The following ZFPM2 variants were observed in gnomAD, a reference collection of about 807,000 sequenced individuals.
ZFPM2 encodes the protein zinc finger protein ZFPM2.
A neutral mutation model predicts 98.6 loss-of-function variants in ZFPM2; 20 were observed. That is an observed-to-expected ratio of 0.20 (90% CI 0.14 to 0.29). The LOEUF is 0.29. Among genes scored for constraint, ZFPM2 ranks in the 10% least tolerant of loss-of-function variants. ZFPM2 has a pLI of 1.00. For synonymous variants in ZFPM2, 518 were observed against 502.7 expected (o/e 1.03, Z -0.41); for missense variants, 1,310 against 1,388.6 (o/e 0.94, Z 0.90).
At chr8:105,608,292 C>T (rs1332015597) in intron 4 of ZFPM2, among the ~76,000 whole-genome samples, 1 of 151,970 alleles carries the variant, frequency 6.6e-6, no homozygotes, top group African/African-American at 2.4e-5. Context: ...AACAAACCTG[C>T]ACAACGTACC....
chr8:105,788,863 A>G lies in ZFPM2; in HGVS notation c.678A>G (p.Ser226=). 1.9e-6 allele frequency: 3 copies of G among 1,613,824 alleles called. No homozygotes were observed. The highest frequency in any genetic ancestry group is 2.5e-6 in the Non-Finnish European group (3 of 1,179,850). Residue 226 remains serine, a synonymous_variant, in exon 6 of 8, where the codon TCA becomes TCG. Coordinates refer to ENST00000407775, the MANE Select transcript of ZFPM2 (RefSeq NM_012082.4). ...EGMYPARLLD[S]IQLLPQQAAM... The stretch of plus-strand genomic sequence containing the variant: ...TGTACCCTGCACGCCTGCTGGACTC[A>G]ATTCAGCTGCTTCCTCAGCAAGCTG...
intron 1 of ZFPM2, among the ~76,000 whole-genome samples, chr8:105,413,081 C>T (rs1169294768): frequency 1.3e-5 from 2 of 151,754 alleles, no homozygotes; most frequent in Non-Finnish European, 2.9e-5. Flanking sequence ...TTCCCCAATA[C>T]TAATTGAACA....
chr8:105,752,924 T>C (rs984507276), intron 5 of ZFPM2, among the ~76,000 whole-genome samples: 10 of 152,160 alleles, frequency 6.6e-5, no homozygotes, highest in African/African-American at 2.4e-4. Context: ...AGTAGAATTT[T>C]CTTATAATTG....
At chr8:105,509,229 G>T (rs1057288499) in intron 3 of ZFPM2, among the ~76,000 whole-genome samples, 2 of 152,198 alleles carry the variant, frequency 1.3e-5, no homozygotes, top group African/African-American at 4.8e-5. Flanking sequence ...CATTCTAAGT[G>T]AGTCTGAGAA....
At chr8:105,426,145 G>A (rs1465093846) in intron 2 of ZFPM2, among the ~76,000 whole-genome samples, 2 of 152,086 alleles carry the variant, frequency 1.3e-5, no homozygotes, top group African/African-American at 4.8e-5. Context: ...GTTCAATAAG[G>A]AAGGGGACCT....
At chr8:105,517,508 A>G (rs868670194) in intron 3 of ZFPM2, among the ~76,000 whole-genome samples, 28 of 152,250 alleles carry the variant, frequency 1.8e-4, no homozygotes, top group African/African-American at 5.8e-4. Context: ...TAATATATCT[A>G]TCACCTCACA....
intron 3 of ZFPM2, among the ~76,000 whole-genome samples, chr8:105,480,628 A>G (rs1030528240): frequency 5.9e-5 from 9 of 152,236 alleles, no homozygotes; most frequent in Non-Finnish European, 8.8e-5. Context: ...AATTAATTCA[A>G]GAAAAAAAGG....
At chr8:105,468,795 T>A (rs1257901817) in intron 3 of ZFPM2, among the ~76,000 whole-genome samples, 1 of 152,108 alleles carries the variant, frequency 6.6e-6, no homozygotes, top group Non-Finnish European at 1.5e-5. Context: ...TCATACTCCT[T>A]TTTGTTGGCA....
intron 5 of ZFPM2, among the ~76,000 whole-genome samples, chr8:105,665,362 A>T (rs1186831080): frequency 6.6e-6 from 1 of 152,092 alleles, no homozygotes; most frequent in Non-Finnish European, 1.5e-5. Flanking sequence ...GTTAATGCAA[A>T]ATTTATTTAG....
At chr8:105,486,149 C>T (rs1813226955) in intron 3 of ZFPM2, among the ~76,000 whole-genome samples, 2 of 151,920 alleles carry the variant, frequency 1.3e-5, no homozygotes, top group South Asian at 2.1e-4. Flanking sequence ...AGTGAGAAGG[C>T]GATAATCTCC....
intron 1 of ZFPM2, among the ~76,000 whole-genome samples, chr8:105,417,105 C>T (rs1811693597): frequency 6.6e-6 from 1 of 151,556 alleles, no homozygotes; most frequent in African/African-American, 2.4e-5. Flanking sequence ...GCTGTGATTG[C>T]ACCTCTGCAT....
At position 105,523,569 on chromosome 8, in the gene ZFPM2, A is replaced by C. The variant is rs111824521; in HGVS notation, c.302-37794A>C. Among the ~76,000 whole-genome samples, 1,450 of 152,304 alleles carry C rather than the reference A, an allele frequency of 9.5e-3. 22 individuals carry two copies. The highest frequency in any genetic ancestry group is 0.032 in the African/African-American group (1,329 of 41,554). ...CTTTTTAGACATCAAGAATCACAGCATCCTGAGCTTTGAAGTAAATCCTCT... is the reference window on the plus strand; with the variant it reads ...CTTTTTAGACATCAAGAATCACAGCCTCCTGAGCTTTGAAGTAAATCCTCT... On this transcript the variant is annotated intron_variant, in intron 3 of 7. Transcript: ENST00000407775.
intron 4 of ZFPM2, among the ~76,000 whole-genome samples, chr8:105,576,170 A>G (rs957760868): frequency 2.0e-4 from 30 of 152,234 alleles, no homozygotes; most frequent in Admixed American, 6.5e-4. Flanking sequence ...GCACACGGTA[A>G]TAATATATAC....
chr8:105,430,121 A>G (rs1390199285), intron 2 of ZFPM2, among the ~76,000 whole-genome samples: 1 of 152,190 alleles, frequency 6.6e-6, no homozygotes, highest in African/African-American at 2.4e-5. Context: ...TGAGAAAGAT[A>G]GTTCTGACCT....
intron 1 of ZFPM2, among the ~76,000 whole-genome samples, chr8:105,355,077 G>A (rs1586312446): frequency 6.7e-6 from 1 of 148,524 alleles, no homozygotes; most frequent in Non-Finnish European, 1.5e-5. Flanking sequence ...AATTGACACT[G>A]TTTTTTAACA....
intron 5 of ZFPM2, among the ~76,000 whole-genome samples, chr8:105,777,902 C>T (rs902620137): frequency 6.6e-6 from 1 of 152,156 alleles, no homozygotes; most frequent in African/African-American, 2.4e-5. Context: ...CTTCTCTGTG[C>T]TGGGCTCCCT....
intron 3 of ZFPM2, among the ~76,000 whole-genome samples, chr8:105,515,081 G>A (rs1813892178): frequency 6.6e-6 from 1 of 152,204 alleles, no homozygotes; most frequent in Admixed American, 6.5e-5. Context: ...TGGAAGGTAA[G>A]TGTTGAGAGG....
At chr8:105,396,928 A>G (rs536464146) in intron 1 of ZFPM2, among the ~76,000 whole-genome samples, 2 of 152,246 alleles carry the variant, frequency 1.3e-5, no homozygotes, top group Non-Finnish European at 2.9e-5. Flanking sequence ...TGCCAGTAAC[A>G]TTATAACCTG....
At chr8:105,342,805 A>G (rs1477886549) in intron 1 of ZFPM2, among the ~76,000 whole-genome samples, 1 of 152,064 alleles carries the variant, frequency 6.6e-6, no homozygotes, top group Non-Finnish European at 1.5e-5. Context: ...ACAAACTATT[A>G]TTTGTTTTTC....
Sources: gnomAD v4.1 joint callset for allele counts (sites outside exome capture counted in the v4.1 genomes callset) on GRCh38, gnomAD v4.1.1 for gene constraint, MANE v1.5 for transcripts, NCBI Gene and HGNC (gene_info 2026-07-23, HGNC 2026-07-21) for gene names.